The following MBD5 variants were observed in gnomAD, a reference collection of about 807,000 sequenced individuals.
MBD5 encodes the protein methyl-CpG-binding domain protein 5.
In MBD5, 13 loss-of-function variants were observed where a neutral mutation model predicts 117.3. The observed-to-expected ratio is 0.11, with a 90% confidence interval of 0.07 to 0.18. The LOEUF is 0.18. Among genes scored for constraint, MBD5 ranks in the 10% least tolerant of loss-of-function variants. MBD5 has a pLI of 1.00. For missense variants in MBD5, 1,879 were observed against 2,093.8 expected (o/e 0.90, Z 2.00); for synonymous variants, 727 against 766.4 (o/e 0.95, Z 0.85).
intron 3 of MBD5, chr2:148,265,065 G>GCACGCA (rs1700824134): frequency 2.2e-5 from 2 of 91,606 alleles, no homozygotes; most frequent in South Asian, 3.7e-4. Context: ...GTAGACACAC[G>GCACGCA]CACACACACA....
At chr2:148,327,804 G>A (rs546159260) in intron 3 of MBD5, among the ~76,000 whole-genome samples, 14 of 152,066 alleles carry the variant, frequency 9.2e-5, no homozygotes, top group Non-Finnish European at 1.8e-4. Context: ...TCCATAGCTC[G>A]GAGTAATTTG....
chr2:148,436,413 C>T (rs1268294390), intron 4 of MBD5, among the ~76,000 whole-genome samples: 2 of 152,192 alleles, frequency 1.3e-5, no homozygotes, highest in African/African-American at 2.4e-5. Context: ...TGCTCTGTTG[C>T]CCAGGCTGGA....
chr2:148,478,903 C>T (rs1364334729), intron 8 of MBD5, among the ~76,000 whole-genome samples: 1 of 152,138 alleles, frequency 6.6e-6, no homozygotes, highest in Non-Finnish European at 1.5e-5. Context: ...CAGCGACTGT[C>T]CTTTTTATTC....
At chr2:148,063,391 C>T (rs941100158) in intron 1 of MBD5, among the ~76,000 whole-genome samples, 1 of 152,042 alleles carries the variant, frequency 6.6e-6, no homozygotes, top group Non-Finnish European at 1.5e-5. Context: ...AGGGTTCTTT[C>T]CAGATTGTGT....
intron 4 of MBD5, among the ~76,000 whole-genome samples, chr2:148,401,097 A>G (rs1172174537): frequency 2.6e-5 from 4 of 152,150 alleles, no homozygotes; most frequent in Middle Eastern, 3.2e-3. Flanking sequence ...TTTGCGAAAT[A>G]CCTTCTTAAA....
intron 1 of MBD5, among the ~76,000 whole-genome samples, chr2:148,124,637 C>G (rs1047226414): frequency 2.0e-5 from 3 of 152,154 alleles, no homozygotes; most frequent in Non-Finnish European, 4.4e-5. Flanking sequence ...ATAAGTGTCT[C>G]TCTCCTAAGT....
chr2:148,461,764 C>A (rs989800099), intron 5 of MBD5, among the ~76,000 whole-genome samples: 1 of 152,184 alleles, frequency 6.6e-6, no homozygotes, highest in Non-Finnish European at 1.5e-5. Flanking sequence ...AAATCAGAGA[C>A]ATCTCTTGTC....
intron 4 of MBD5, chr2:148,393,311 C>T (rs2105008018): frequency 6.6e-6 from 1 of 152,242 alleles, no homozygotes; most frequent in Admixed American, 6.5e-5. Flanking sequence ...GTTTCAGAAT[C>T]TCCTCTTCAA....
chr2:148,267,207 C>G (rs1228653361), intron 3 of MBD5, among the ~76,000 whole-genome samples: 7 of 151,850 alleles, frequency 4.6e-5, no homozygotes. Flanking sequence ...CCACAGTAGA[C>G]AGATAAAAAA....
intron 1 of MBD5, among the ~76,000 whole-genome samples, chr2:148,118,935 T>G (rs1455190399): frequency 1.3e-5 from 2 of 152,234 alleles, no homozygotes; most frequent in Admixed American, 6.5e-5. Context: ...CATCAGTTGA[T>G]GGGCATTCGA....
chr2:148,097,405 T>C (rs994644317), intron 1 of MBD5, among the ~76,000 whole-genome samples: 2 of 152,170 alleles, frequency 1.3e-5, no homozygotes, highest in African/African-American at 4.8e-5. Flanking sequence ...GCAACGAGTG[T>C]GCTAAGTAAT....
At chr2:148,170,515 G>A (rs1005898270) in intron 1 of MBD5, among the ~76,000 whole-genome samples, 3 of 152,060 alleles carry the variant, frequency 2.0e-5, no homozygotes, top group Non-Finnish European at 4.4e-5. Context: ...GATTCTTTGC[G>A]GTTTTATTTT....
intron 4 of MBD5, among the ~76,000 whole-genome samples, chr2:148,388,155 T>A (rs1334951344): frequency 1.3e-5 from 2 of 152,198 alleles, no homozygotes; most frequent in African/African-American, 4.8e-5. Flanking sequence ...CATTGTTTTG[T>A]GATTACCTAA....
rs955125454 is a variant in MBD5 at position 148,468,338 on chromosome 2, C to T, written c.398-3C>T. ...AGAATTCTTTTTTTCTCTTTCACAT[C>T]AGATGCAACTCCAGTAGTACCTTCT... On this transcript the variant is annotated splice_region_variant and splice_polypyrimidine_tract_variant and intron_variant, in intron 7 of 13. Transcript: ENST00000642680. 6.2e-7 allele frequency: 1 copy of T among 1,612,568 alleles called. No individual in the cohort carries two copies. Among genetic ancestry groups the T allele is most frequent in the Admixed American group, 1.7e-5 (1 of 59,926 alleles).
chr2:148,040,883 C>T (rs1489082273), intron 1 of MBD5, among the ~76,000 whole-genome samples: 1 of 151,984 alleles, frequency 6.6e-6, no homozygotes, highest in African/African-American at 2.4e-5. Flanking sequence ...TTTAAAGCCC[C>T]TCACGTGATG....
chr2:148,361,015 C>T (rs1703516872), intron 4 of MBD5, among the ~76,000 whole-genome samples: 1 of 152,124 alleles, frequency 6.6e-6, no homozygotes, highest in Admixed American at 6.5e-5. Flanking sequence ...CCCCTCCTCT[C>T]CTTCCATGTT....
intron 1 of MBD5, among the ~76,000 whole-genome samples, chr2:148,132,945 CCTTAT>C (rs1447680470): frequency 1.3e-5 from 2 of 151,978 alleles, no homozygotes; most frequent in African/African-American, 4.8e-5. Flanking sequence ...AACAGTGAAA[CCTTAT>C]CTTAAGGCTG....
At chr2:148,386,037 C>G (rs1442084464) in intron 4 of MBD5, among the ~76,000 whole-genome samples, 8 of 150,904 alleles carry the variant, frequency 5.3e-5, no homozygotes, top group Non-Finnish European at 8.8e-5. Flanking sequence ...GTGCAGCACA[C>G]CAACATGGCA....
At chr2:148,096,112 A>G (rs913585749) in intron 1 of MBD5, among the ~76,000 whole-genome samples, 2 of 152,220 alleles carry the variant, frequency 1.3e-5, no homozygotes, top group African/African-American at 4.8e-5. Context: ...AGGAAATGAC[A>G]CAGACTATAA....
Sources: gnomAD v4.1 joint callset for allele counts (sites outside exome capture counted in the v4.1 genomes callset) on GRCh38, gnomAD v4.1.1 for gene constraint, MANE v1.5 for transcripts, NCBI Gene and HGNC (gene_info 2026-07-23, HGNC 2026-07-21) for gene names.